ARHGEF1: variants seen among roughly 807,000 people sequenced by gnomAD.
The protein encoded by ARHGEF1 is Rho guanine nucleotide exchange factor 1.
In ARHGEF1, 40 loss-of-function variants were observed where a neutral mutation model predicts 119.7. That is an observed-to-expected ratio of 0.33 (90% CI 0.26 to 0.44). ARHGEF1 has a LOEUF of 0.44. Among genes scored for constraint, ARHGEF1 ranks in the 20% least tolerant of loss-of-function variants. ARHGEF1 has a pLI of 1.00. For synonymous variants in ARHGEF1, 494 were observed against 521.0 expected, an observed-to-expected ratio of 0.95 and a Z score of 0.71; for missense variants, 976 against 1,268.3, an observed-to-expected ratio of 0.77 and a Z score of 3.50.
In ARHGEF1 at chr19:41,892,476, C is replaced by A; in HGVS notation, c.367+103C>A. ...CACTCCCATGCTCTGCTCGGACAGC[C>A]GAGATTCATTCATTCCTTCTTGGCA... is the stretch of plus-strand genomic sequence containing the variant. On this transcript the variant is annotated intron_variant, in intron 6 of 28. Transcript: ENST00000354532. The surrounding 1 kb of genome is among the most constrained non-coding windows in gnomAD (Gnocchi z 6.3). The A allele has an allele frequency of 6.3e-7, 1 of 1,592,808 alleles. No homozygotes were observed. The highest frequency in any genetic ancestry group is 8.6e-7 in the Non-Finnish European group (1 of 1,164,556).
chr19:41,902,985 C>A lies in ARHGEF1; in HGVS notation c.1738+87C>A. On this transcript the variant is annotated intron_variant, in intron 18 of 28. Transcript: ENST00000354532. The surrounding 1 kb of genome is among the most constrained non-coding windows in gnomAD (Gnocchi z 6.5). ...CACTCATTTTCATCAGTGATACCATCACAGCTCACTGCAGCCTCAACCTCC... is the reference window on the plus strand; with the variant it reads ...CACTCATTTTCATCAGTGATACCATAACAGCTCACTGCAGCCTCAACCTCC... 8.9e-7 allele frequency: 1 copy of A among 1,118,482 alleles called. No homozygotes were observed. Among genetic ancestry groups the A allele is most frequent in the Non-Finnish European group, 1.3e-6 (1 of 799,402 alleles). The allele number at this position is 1,118,482 out of a possible 1,614,324, so 69.3% of individuals were successfully genotyped here. A position where few individuals can be genotyped will look rare whatever the true frequency, so the allele number is the denominator to read the frequency against.
intron 1 of ARHGEF1, among the ~76,000 whole-genome samples, chr19:41,926,474 A>G (rs1414795564): frequency 6.6e-6 from 1 of 152,128 alleles, no homozygotes; most frequent in Non-Finnish European, 1.5e-5. Context: ...CTGAGGCCAC[A>G]GGTGGGTGCA....
intron 13 of ARHGEF1, chr19:41,897,959 C>T: frequency 1.5e-6 from 2 of 1,314,194 alleles, no homozygotes; most frequent in Non-Finnish European, 1.9e-6. Flanking sequence ...ATCAGGGCGT[C>T]TGGGGCGCTC....
rs564929554 is a variant in ARHGEF1 at position 41,917,540 on chromosome 19, T to A, written c.1866-5552T>A. ...TCGGAATGAAAATTGATTTTTTTTT[T>A]AAATTTCATATCTTCTCCGGGGCTC... On this transcript the variant is annotated intron_variant, in intron 18 of 20. Coordinates refer to the ARHGEF1 transcript ENST00000599589. This position sits in a 1 kb window ranked among gnomAD's most constrained non-coding sequence, Gnocchi z 4.8. 2.8e-4 allele frequency among the ~76,000 whole-genome samples: 42 copies of A among 151,570 alleles called. No individual in the cohort carries two copies. Among genetic ancestry groups the A allele is most frequent in the Non-Finnish European group, 3.8e-4 (26 of 67,828 alleles).
chr19:41,923,382 A>G (rs1599680597), intron 1 of ARHGEF1: 1 of 341,310 alleles, frequency 2.9e-6, no homozygotes, highest in East Asian at 7.9e-5. Context: ...AGCTGTAAAG[A>G]CCCTGTATGG....
chr19:41,909,599 A>G (rs1025727678), downstream of ARHGEF1: 6 of 847,040 alleles, frequency 7.1e-6, no homozygotes, highest in African/African-American at 1.7e-5. This position sits in a 1 kb window ranked among gnomAD's most constrained non-coding sequence, Gnocchi z 5.2. Context: ...ACTGAGGCTC[A>G]CAGAAGTCCC....
Position 41,907,367 on chromosome 19 carries a change from C to G in ARHGEF1, c.*280C>G, listed in dbSNP as rs1241115874. The stretch of plus-strand genomic sequence containing the variant: ...CTCAGTATTGCCTGTGGGGGCCACC[C>G]CTCCACCCCCACCCCCAAGTGCCTT... On this transcript the variant is annotated 3_prime_UTR_variant, in exon 29 of 29. Transcript: ENST00000354532. 1.3e-6 allele frequency: 2 copies of G among 1,534,996 alleles called. No individual in the cohort carries two copies. The highest frequency in any genetic ancestry group is 1.4e-5 in the African/African-American group (1 of 72,874).
At chr19:41,899,920 TAA>T (rs201057180) in intron 14 of ARHGEF1, among the ~76,000 whole-genome samples, 4 of 135,486 alleles carry the variant, frequency 3.0e-5, no homozygotes, top group South Asian at 2.3e-4. Flanking sequence ...AAGGACATGA[TAA>T]AAAAAAAAAA....
chr19:41,888,098 C>G lies in ARHGEF1; in HGVS notation c.16C>G (p.Arg6Gly). 6.2e-7 allele frequency: 1 copy of G among 1,613,730 alleles called. No individual in the cohort carries two copies. The highest frequency in any genetic ancestry group is 8.5e-7 in the Non-Finnish European group (1 of 1,179,966). Residue 6 changes from arginine to glycine, a missense_variant, in exon 2 of 29, where the codon CGA becomes GGA. By Grantham distance (125) the Arg-to-Gly change is moderately radical (BLOSUM62 -2). Transcript: ENST00000354532. This position sits in a 1 kb window ranked among gnomAD's most constrained non-coding sequence, Gnocchi z 5.1. MEDFA[R>G]GAASPGPSRP... ...GCCCAGGGAGATGGAAGACTTCGCCCGAGGGGCGGTGAGTGGACAGAGCAA... is the reference window on the plus strand; with the variant it reads ...GCCCAGGGAGATGGAAGACTTCGCCGGAGGGGCGGTGAGTGGACAGAGCAA...
In ARHGEF1 at chr19:41,917,441, ACCC is replaced by A. The variant is rs1555852035; in HGVS notation, c.1866-5648_1866-5646del. Among the ~76,000 whole-genome samples, 9 of 148,416 alleles carry A rather than the reference ACCC, an allele frequency of 6.1e-5. No homozygotes were observed. The highest frequency in any genetic ancestry group is 1.3e-4 in the Non-Finnish European group (9 of 67,102). ...CCTCGGGAGCCGCCTCGGGCCTCGCACCCCCACCACCAGCCCCTTCATCCCTCA... is the reference window on the plus strand; with the variant it reads ...CCTCGGGAGCCGCCTCGGGCCTCGCACCACCACCAGCCCCTTCATCCCTCA... On this transcript the variant is annotated intron_variant, in intron 18 of 20. Coordinates refer to the ARHGEF1 transcript ENST00000599589. This position sits in a 1 kb window ranked among gnomAD's most constrained non-coding sequence, Gnocchi z 4.8.
At chr19:41,899,394 G>A (rs2123481174) in intron 14 of ARHGEF1, among the ~76,000 whole-genome samples, 1 of 152,234 alleles carries the variant, frequency 6.6e-6, no homozygotes, top group African/African-American at 2.4e-5. Context: ...CAGTATATTA[G>A]CAGTGCTTGC....
chr19:41,918,216 C>T (rs1325818140), upstream of ARHGEF1, among the ~76,000 whole-genome samples: 5 of 151,844 alleles, frequency 3.3e-5, no homozygotes, highest in African/African-American at 9.7e-5. Context: ...CACATATACA[C>T]CACACATACC....
rs1407731462 is a variant in ARHGEF1 at position 41,917,954 on chromosome 19, G to T, written c.1866-5138G>T. The stretch of plus-strand genomic sequence containing the variant: ...TGTGTGTGTGCTCACACACCTGTCC[G>T]TCCAGACTATAGCCACGTCCATGTG... On this transcript the variant is annotated intron_variant, in intron 18 of 20. Coordinates refer to the ARHGEF1 transcript ENST00000599589. The surrounding 1 kb of genome is among the most constrained non-coding windows in gnomAD (Gnocchi z 4.8). Among the ~76,000 whole-genome samples, 1 of 151,808 alleles carries T rather than the reference G, an allele frequency of 6.6e-6. No homozygotes were observed. Among genetic ancestry groups the T allele is most frequent in the Non-Finnish European group, 1.5e-5 (1 of 67,960 alleles).
At chr19:41,898,235 C>A in intron 13 of ARHGEF1, 2 of 1,340,572 alleles carry the variant, frequency 1.5e-6, no homozygotes, top group South Asian at 1.5e-5. Context: ...CAACTGTGGT[C>A]ACAGACCTTG....
In ARHGEF1 at chr19:41,917,914, C is replaced by T. The variant is rs1481757047; in HGVS notation, c.1866-5178C>T. 6.6e-6 allele frequency among the ~76,000 whole-genome samples: 1 copy of T among 151,988 alleles called. No homozygotes were observed. Among genetic ancestry groups the T allele is most frequent in the East Asian group, 1.9e-4 (1 of 5,184 alleles). Reference sequence around the variant, plus strand: ...CTGGGTGCACGAAGCCAGCTCCCCGCGGTCACACACTGTGTGTGTGTGTGC... The same window carrying T: ...CTGGGTGCACGAAGCCAGCTCCCCGTGGTCACACACTGTGTGTGTGTGTGC... On this transcript the variant is annotated intron_variant, in intron 18 of 20. Transcript: ENST00000599589. This position sits in a 1 kb window ranked among gnomAD's most constrained non-coding sequence, Gnocchi z 4.8.
chr19:41,896,751 C>T (rs2074496724), intron 13 of ARHGEF1: 1 of 621,708 alleles, frequency 1.6e-6, no homozygotes, highest in Non-Finnish European at 3.0e-6. Flanking sequence ...TTCTCCTCCT[C>T]CCTTCCTCTC....
intron 1 of ARHGEF1, chr19:41,927,928 C>T (rs2074881216): frequency 6.6e-6 from 1 of 152,000 alleles, no homozygotes; most frequent in Admixed American, 6.6e-5. Context: ...CCTCCACCGG[C>T]TCGGAGGCCC....
At chr19:41,886,475 C>T (rs1555845276) in intron 1 of ARHGEF1, among the ~76,000 whole-genome samples, 1 of 151,848 alleles carries the variant, frequency 6.6e-6, no homozygotes, top group African/African-American at 2.4e-5. Context: ...GAGACAGGGT[C>T]TCACTGTGTT....
At position 41,907,297 on chromosome 19, in the gene ARHGEF1, G is replaced by A. The variant is rs1202075913; in HGVS notation, c.*210G>A. 7.2e-6 allele frequency: 11 copies of A among 1,531,796 alleles called. No individual in the cohort carries two copies. Among genetic ancestry groups the A allele is most frequent in the African/African-American group, 1.4e-5 (1 of 72,884 alleles). 94.9% of individuals were successfully genotyped at this position (1,531,796 alleles called of 1,614,324 possible). On this transcript the variant is annotated 3_prime_UTR_variant, in exon 29 of 29. Coordinates refer to ENST00000354532, the MANE Select transcript of ARHGEF1 (RefSeq NM_004706.4). ...TCTCCCTCCTGCCCTCTGCTTGGGGGACTCAGGGCTCCATTCTGGAGGGCA... is the reference window on the plus strand; with the variant it reads ...TCTCCCTCCTGCCCTCTGCTTGGGGAACTCAGGGCTCCATTCTGGAGGGCA...
Sources: gnomAD v4.1 joint callset for allele counts (sites outside exome capture counted in the v4.1 genomes callset) on GRCh38, gnomAD v4.1.1 for gene constraint, Gnocchi (gnomAD v3.1) non-coding constraint, MANE v1.5 for transcripts, NCBI Gene and HGNC (gene_info 2026-07-23, HGNC 2026-07-21) for gene names.